The following WDR25 variants were observed in gnomAD, a reference collection of about 807,000 sequenced individuals.
WDR25 encodes WD repeat-containing protein 25.
WDR25 carries 35 observed loss-of-function variants against 47.7 expected under a neutral mutation model. The ratio of observed to expected loss-of-function variants is 0.73; its 90% confidence interval spans 0.56 to 0.97. The LOEUF is 0.97. Ranked by LOEUF, WDR25 falls within the 50% of genes least tolerant of loss-of-function variation. WDR25 has a pLI of 0.00. For synonymous variants in WDR25, 248 were observed against 278.9 expected (o/e 0.89, Z 1.10); for missense variants, 634 against 704.7 (o/e 0.90, Z 1.14).
intron 4 of WDR25, among the ~76,000 whole-genome samples, chr14:100,485,103 A>G: frequency 6.6e-6 from 1 of 152,018 alleles, no homozygotes; most frequent in East Asian, 1.9e-4. Flanking sequence ...ATACCAGCAC[A>G]TTCCTGTCTC....
chr14:100,461,959 C>T (rs1899429191), intron 2 of WDR25, among the ~76,000 whole-genome samples: 1 of 151,752 alleles, frequency 6.6e-6, no homozygotes, highest in African/African-American at 2.4e-5. Flanking sequence ...CACATATTTC[C>T]AATGAAATCA....
At chr14:100,397,433 A>G (rs1056345657) in intron 2 of WDR25, among the ~76,000 whole-genome samples, 80 of 152,354 alleles carry the variant, frequency 5.3e-4, no homozygotes, top group African/African-American at 1.8e-3. Context: ...TTCTTGACAT[A>G]GTATTTCATT....
At chr14:100,422,099 A>T (rs1898042922) in intron 2 of WDR25, among the ~76,000 whole-genome samples, 1 of 152,212 alleles carries the variant, frequency 6.6e-6, no homozygotes, top group Non-Finnish European at 1.5e-5. Flanking sequence ...TTTGCTTCTG[A>T]ATCTGCAGTT....
chr14:100,429,642 C>T (rs1414637893), intron 2 of WDR25, among the ~76,000 whole-genome samples: 1 of 152,166 alleles, frequency 6.6e-6, no homozygotes, highest in Non-Finnish European at 1.5e-5. Flanking sequence ...GAGTGGCCCA[C>T]ACAATAGATA....
chr14:100,508,453 T>G (rs1206819964), intron 4 of WDR25, among the ~76,000 whole-genome samples: 1 of 152,162 alleles, frequency 6.6e-6, no homozygotes, highest in Non-Finnish European at 1.5e-5. Context: ...AGGACTCTTT[T>G]ATATGGACTG....
rs1020086668 is a variant in WDR25 at position 100,428,837 on chromosome 14, A to G, written c.823-39184A>G. 6.6e-6 allele frequency among the ~76,000 whole-genome samples: 1 copy of G among 152,114 alleles called. No homozygotes were observed. Among genetic ancestry groups the G allele is most frequent in the Non-Finnish European group, 1.5e-5 (1 of 68,024 alleles). On this transcript the variant is annotated intron_variant, in intron 2 of 6. Transcript: ENST00000402312. The surrounding 1 kb of genome is among the most constrained non-coding windows in gnomAD (Gnocchi z 4.3). ...ATCTCATATGAATTAATTTCATGAA[A>G]TTGGTTTGTTTTTCTTCTTCCATTT...
chr14:100,521,179 G>GACACAC (rs559590297), intron 4 of WDR25, among the ~76,000 whole-genome samples: 3 of 148,090 alleles, frequency 2.0e-5, no homozygotes, highest in Non-Finnish European at 3.0e-5. Context: ...CACACACATA[G>GACACAC]ACACACACAC....
intron 2 of WDR25, among the ~76,000 whole-genome samples, chr14:100,453,193 T>C (rs1899095395): frequency 6.6e-6 from 1 of 152,140 alleles, no homozygotes; most frequent in Admixed American, 6.5e-5. Context: ...TGGCTTTGCA[T>C]TGTATTTCTC....
intron 3 of WDR25, 26 bp from the exon 4 acceptor site, chr14:100,483,968 C>A (rs942089323): frequency 2.5e-6 from 4 of 1,596,350 alleles, no homozygotes; most frequent in Admixed American, 1.8e-5. Context: ...TACTTTCTAA[C>A]CCTCTCTTCT....
At position 100,498,034 on chromosome 14, in the gene WDR25, C is replaced by A. The variant is rs369217881; in HGVS notation, c.1101+13910C>A. The stretch of plus-strand genomic sequence containing the variant: ...GATTGTGCCAACCTCCATGGACCTG[C>A]AGTATAACTCTGCAAAGATTGTATG... On this transcript the variant is annotated intron_variant, in intron 4 of 6. Coordinates refer to ENST00000402312, the MANE Select transcript of WDR25 (RefSeq NM_001161476.3). The surrounding 1 kb of genome is among the most constrained non-coding windows in gnomAD (Gnocchi z 4.2). Among the ~76,000 whole-genome samples, 7 of 152,340 alleles carry A rather than the reference C, an allele frequency of 4.6e-5. No homozygotes were observed. Among genetic ancestry groups the A allele is most frequent in the African/African-American group, 1.7e-4 (7 of 41,580 alleles).
chr14:100,408,723 A>G (rs757689716), intron 2 of WDR25, among the ~76,000 whole-genome samples: 4 of 152,216 alleles, frequency 2.6e-5, no homozygotes, highest in Non-Finnish European at 5.9e-5. Flanking sequence ...TTTGCAGTTA[A>G]TGATAGTATA....
chr14:100,493,164 C>CTCACTCAT (rs1392834410), intron 4 of WDR25, among the ~76,000 whole-genome samples: 4 of 152,208 alleles, frequency 2.6e-5, no homozygotes, highest in African/African-American at 9.7e-5. Flanking sequence ...TATTGTACAA[C>CTCACTCAT]TCACTCATTC....
intron 2 of WDR25, among the ~76,000 whole-genome samples, chr14:100,463,216 G>A (rs1899487616): frequency 6.7e-6 from 1 of 150,196 alleles, no homozygotes; most frequent in Non-Finnish European, 1.5e-5. Flanking sequence ...CTCCGTCTTG[G>A]TTAATTTAAC....
intron 2 of WDR25, among the ~76,000 whole-genome samples, chr14:100,459,381 T>TA (rs1488012313): frequency 2.0e-5 from 3 of 152,130 alleles, no homozygotes; most frequent in African/African-American, 7.2e-5. Context: ...AATTCATGAT[T>TA]AAAAACCTTC....
intron 4 of WDR25, among the ~76,000 whole-genome samples, chr14:100,501,428 C>T (rs898520027): frequency 8.5e-5 from 13 of 152,164 alleles, no homozygotes; most frequent in East Asian, 5.8e-4. Flanking sequence ...AGAGATTGTA[C>T]CTTCCCCCCA....
chr14:100,463,808 C>T (rs746195929), intron 2 of WDR25, among the ~76,000 whole-genome samples: 8 of 152,148 alleles, frequency 5.3e-5, no homozygotes, highest in Non-Finnish European at 8.8e-5. Context: ...CCAGGAACTG[C>T]GAATGTGTCC....
intron 4 of WDR25, among the ~76,000 whole-genome samples, chr14:100,509,348 T>A (rs1002489167): frequency 1.3e-5 from 2 of 152,212 alleles, no homozygotes; most frequent in Non-Finnish European, 2.9e-5. Flanking sequence ...AATTGTCAAA[T>A]TTATTGCTCT....
chr14:100,462,812 CCATCCTCTCTT>C (rs995697257), intron 2 of WDR25, among the ~76,000 whole-genome samples: 2 of 146,904 alleles, frequency 1.4e-5, no homozygotes, highest in Non-Finnish European at 3.0e-5. Flanking sequence ...CTCCTCCTCT[CCATCCTCTCTT>C]CCCCTCCCTT....
intron 2 of WDR25, among the ~76,000 whole-genome samples, chr14:100,459,925 TATATATATATATATACACATACAC>T (rs1899338779): frequency 2.9e-5 from 3 of 101,914 alleles, no homozygotes; most frequent in African/African-American, 9.3e-5. Flanking sequence ...TATATATATA[TATATATATATATATACACATACAC>T]ATACACACAC....
Sources: gnomAD v4.1 joint callset for allele counts (sites outside exome capture counted in the v4.1 genomes callset) on GRCh38, gnomAD v4.1.1 for gene constraint, Gnocchi (gnomAD v3.1) non-coding constraint, MANE v1.5 for transcripts, NCBI Gene and HGNC (gene_info 2026-07-23, HGNC 2026-07-21) for gene names.